The following FER variants were observed in gnomAD, a reference collection of about 807,000 sequenced individuals.
FER encodes the protein tyrosine-protein kinase Fer.
In FER, 63 loss-of-function variants were observed where a neutral mutation model predicts 111.0. The ratio of observed to expected loss-of-function variants is 0.57; its 90% CI spans 0.46 to 0.70. The LOEUF (loss-of-function observed/expected upper bound fraction) is 0.70. Ranked by LOEUF, FER falls within the 30% of genes least tolerant of loss-of-function variation. The pLI is 0.00. For synonymous variants in FER, 327 were observed against 313.9 expected (o/e 1.04, Z -0.44); for missense variants, 914 against 954.0 (o/e 0.96, Z 0.55).
chr5:109,082,763 C>T (rs72796555), intron 16 of FER, among the ~76,000 whole-genome samples: 5,596 of 151,862 alleles, frequency 0.037, 128 homozygotes, highest in Middle Eastern at 0.12. Flanking sequence ...TATATGTTTT[C>T]CTTTGAGAGA....
intron 17 of FER, among the ~76,000 whole-genome samples, chr5:109,144,828 C>CT (rs1753904051): frequency 6.6e-6 from 1 of 152,164 alleles, no homozygotes; most frequent in African/African-American, 2.4e-5. Flanking sequence ...ATACAAATAT[C>CT]TTTTGTATTG....
In FER at chr5:108,904,023, A is replaced by G. The variant is rs538706418; in HGVS notation, c.1236+6175A>G. On this transcript the variant is annotated intron_variant, in intron 10 of 19. Transcript: ENST00000281092. ...GTTCTGTATCTTGCTTTTTTACTTAATGCATCTTAGGTATCATTTTATAAT... is the reference window on the plus strand; with the variant it reads ...GTTCTGTATCTTGCTTTTTTACTTAGTGCATCTTAGGTATCATTTTATAAT... 5.9e-5 allele frequency among the ~76,000 whole-genome samples: 9 copies of G among 152,226 alleles called. No individual in the cohort carries two copies. In the South Asian group the frequency reaches 6.2e-4, roughly 11 times the overall value.
intron 18 of FER, among the ~76,000 whole-genome samples, chr5:109,183,755 A>G (rs894757706): frequency 1.3e-4 from 20 of 151,988 alleles, no homozygotes; most frequent in Admixed American, 1.3e-3. Context: ...ACACAGCGAG[A>G]CCCTGTCTCA....
intron 13 of FER, among the ~76,000 whole-genome samples, chr5:108,970,906 T>C (rs550216485): frequency 1.3e-5 from 2 of 152,244 alleles, no homozygotes; most frequent in South Asian, 4.1e-4. Flanking sequence ...AGAATTGTGA[T>C]GGAAAATGCC....
intron 18 of FER, 81 bp from the exon 19 acceptor site, chr5:109,186,119 G>C (rs2126883859): frequency 6.3e-7 from 1 of 1,584,336 alleles, no homozygotes; most frequent in Non-Finnish European, 8.7e-7. Context: ...GTGCATGACT[G>C]ACACAGACAT....
At chr5:109,181,157 A>C (rs1237331210) in intron 18 of FER, among the ~76,000 whole-genome samples, 4 of 150,432 alleles carry the variant, frequency 2.7e-5, no homozygotes, top group Admixed American at 2.7e-4. Context: ...TTTTTATACC[A>C]AAAAAAAATG....
chr5:109,046,240 G>A (rs557082687), intron 15 of FER, among the ~76,000 whole-genome samples: 1 of 152,098 alleles, frequency 6.6e-6, no homozygotes, highest in African/African-American at 2.4e-5. Context: ...GATCAAGAAA[G>A]TATTTAACTA....
chr5:109,015,499 CTG>C (rs936248488), intron 13 of FER, among the ~76,000 whole-genome samples: 1 of 151,884 alleles, frequency 6.6e-6, no homozygotes, highest in African/African-American at 2.4e-5. Context: ...TTGATACACT[CTG>C]GAGCTATACT....
At chr5:108,749,577 C>G (rs111465548) in intron 1 of FER, among the ~76,000 whole-genome samples, 11,075 of 152,210 alleles carry the variant, frequency 0.073, 485 homozygotes, top group South Asian at 0.092. Flanking sequence ...TTGACCCGCT[C>G]GGTCCTCCCC....
At chr5:108,838,377 GAA>G (rs1465596599) in intron 5 of FER, among the ~76,000 whole-genome samples, 1 of 152,098 alleles carries the variant, frequency 6.6e-6, no homozygotes, top group Non-Finnish European at 1.5e-5. Flanking sequence ...GAAGGTCTTA[GAA>G]AAGTTATTTA....
chr5:108,980,701 A>G (rs965023402), intron 13 of FER, among the ~76,000 whole-genome samples: 7 of 152,156 alleles, frequency 4.6e-5, no homozygotes, highest in Non-Finnish European at 7.4e-5. Flanking sequence ...CCGATAACAG[A>G]GTGAATTTCC....
intron 10 of FER, among the ~76,000 whole-genome samples, chr5:108,928,180 T>A (rs1044434596): frequency 6.6e-6 from 1 of 152,334 alleles, no homozygotes; most frequent in South Asian, 2.1e-4. Context: ...AGGAGCTTCT[T>A]GTGGCACTAA....
At chr5:109,051,362 C>A (rs755221108) in intron 16 of FER, 1 of 1,611,166 alleles carries the variant, frequency 6.2e-7, no homozygotes, top group Admixed American at 1.7e-5. Flanking sequence ...CGACTGCTGG[C>A]TCTGCTTGAA....
At chr5:108,767,852 G>A (rs1752491082) in intron 1 of FER, among the ~76,000 whole-genome samples, 4 of 152,200 alleles carry the variant, frequency 2.6e-5, no homozygotes, top group Admixed American at 2.6e-4. Context: ...TGAAAACTGA[G>A]GGAATAGGTT....
At chr5:109,183,322 C>G (rs925506928) in intron 18 of FER, among the ~76,000 whole-genome samples, 4 of 142,396 alleles carry the variant, frequency 2.8e-5, no homozygotes, top group African/African-American at 1.1e-4. Flanking sequence ...GATCTAGGCT[C>G]ACGGCAACCT....
chr5:108,923,913 G>A (rs958882514), intron 10 of FER, among the ~76,000 whole-genome samples: 2 of 152,086 alleles, frequency 1.3e-5, no homozygotes, highest in Non-Finnish European at 2.9e-5. Context: ...ATTAAGAAAA[G>A]CTTTGTAGCA....
chr5:108,899,378 T>G (rs561810892), intron 10 of FER, among the ~76,000 whole-genome samples: 2 of 152,326 alleles, frequency 1.3e-5, no homozygotes, highest in South Asian at 4.1e-4. Context: ...GCATATGTGT[T>G]CTTTCAAAGG....
At chr5:108,894,415 G>T (rs1302154969) in intron 9 of FER, 2 of 661,182 alleles carry the variant, frequency 3.0e-6, no homozygotes, top group Non-Finnish European at 4.5e-6. Flanking sequence ...TCGTCTGCTG[G>T]CAACTGCATG....
chr5:108,854,981 G>T (rs1360468587), intron 5 of FER, among the ~76,000 whole-genome samples: 2 of 148,430 alleles, frequency 1.3e-5, no homozygotes, highest in Non-Finnish European at 1.5e-5. Flanking sequence ...AAGCGTAGAG[G>T]ATTTGCCATT....
Sources: allele counts gnomAD v4.1 joint callset (sites outside exome capture counted in the v4.1 genomes callset), GRCh38; gene constraint gnomAD v4.1.1; transcripts MANE v1.5; gene names NCBI Gene and HGNC (gene_info 2026-07-23, HGNC 2026-07-21).